The following MYO3B variants were observed in gnomAD, a reference collection of about 807,000 sequenced individuals.
MYO3B encodes the protein myosin IIIB, also known as myosin-IIIb.
In MYO3B, 156 loss-of-function variants were observed where a neutral mutation model predicts 174.6. That is an observed-to-expected ratio of 0.89 (90% CI 0.78 to 1.02). The LOEUF is 1.02. Ranked by LOEUF, MYO3B falls within the 50% of genes least tolerant of loss-of-function variation. MYO3B has a pLI of 0.00. For missense variants in MYO3B, 1,632 were observed against 1,639.4 expected (o/e 1.00, Z 0.08); for synonymous variants, 563 against 569.1 (o/e 0.99, Z 0.15).
intron 32 of MYO3B, among the ~76,000 whole-genome samples, chr2:170,616,464 C>T (rs59730820): frequency 0.19 from 28,671 of 152,080 alleles, 3,297 homozygotes; most frequent in African/African-American, 0.31. Flanking sequence ...CTGGCATTGT[C>T]TTTACACAAT....
At chr2:170,579,366 A>G (rs1692987300) in intron 32 of MYO3B, among the ~76,000 whole-genome samples, 1 of 152,044 alleles carries the variant, frequency 6.6e-6, no homozygotes, top group Non-Finnish European at 1.5e-5. Flanking sequence ...GAGAGGGAAA[A>G]TACCAAAAAC....
At chr2:170,261,540 A>T (rs966668497) in intron 7 of MYO3B, among the ~76,000 whole-genome samples, 8 of 152,206 alleles carry the variant, frequency 5.3e-5, no homozygotes, top group Admixed American at 5.2e-4. Flanking sequence ...CAACAGAGTG[A>T]GTTTCAATGG....
intron 32 of MYO3B, among the ~76,000 whole-genome samples, chr2:170,645,688 G>A (rs574229658): frequency 6.6e-6 from 1 of 152,166 alleles, no homozygotes; most frequent in South Asian, 2.1e-4. Flanking sequence ...TATATGCAAA[G>A]AACTAACAAT....
chr2:170,392,534 T>G (rs1426996016), intron 16 of MYO3B, 39 bp downstream of exon 16: 2 of 1,292,794 alleles, frequency 1.5e-6, no homozygotes, highest in Non-Finnish European at 1.1e-6. Flanking sequence ...GTGACAATAT[T>G]CTTATATGAA....
chr2:170,593,371 G>A (rs1010831355), intron 32 of MYO3B, among the ~76,000 whole-genome samples: 3 of 151,692 alleles, frequency 2.0e-5, no homozygotes, highest in African/African-American at 4.8e-5. Flanking sequence ...CCAAAGTGCT[G>A]GGGTTGCAGG....
intron 27 of MYO3B, among the ~76,000 whole-genome samples, chr2:170,500,183 C>G (rs1441457625): frequency 6.6e-6 from 1 of 152,170 alleles, no homozygotes; most frequent in Non-Finnish European, 1.5e-5. Flanking sequence ...AATTTATTAA[C>G]ATGCAAGTCA....
chr2:170,283,450 CT>C lies in MYO3B; in HGVS notation c.749+47319del, dbSNP rs756171010. Among the ~76,000 whole-genome samples the C allele has an allele frequency of 3.0e-4, 45 of 152,226 alleles. 1 individual carries two copies. The highest frequency in any genetic ancestry group is 2.9e-3 in the East Asian group (15 of 5,186). On this transcript the variant is annotated intron_variant, in intron 7 of 34. Coordinates refer to ENST00000408978, the MANE Select transcript of MYO3B (RefSeq NM_138995.5). The stretch of plus-strand genomic sequence containing the variant: ...TGACTATCTACTTGCTATTTTTGTT[CT>C]TTTTGCAGAAGTTCGTGTCCTGTAC...
Position 170,335,457 on chromosome 2 carries a change from AT to A in MYO3B, c.815+10del. 6.2e-7 allele frequency: 1 copy of A among 1,609,232 alleles called. No individual in the cohort carries two copies. The highest frequency in any genetic ancestry group is 8.5e-7 in the Non-Finnish European group (1 of 1,176,914). ...TCAACCACTTTATTTCACAGTGAGTATTTCTTCCACTAAAAATTGCCCATCT... is the reference window on the plus strand; with the variant it reads ...TCAACCACTTTATTTCACAGTGAGTATTCTTCCACTAAAAATTGCCCATCT... On this transcript the variant is annotated splice_region_variant and intron_variant, in intron 8 of 34. Transcript: ENST00000408978.
chr2:170,237,921 G>C (rs1481922020), intron 7 of MYO3B, among the ~76,000 whole-genome samples: 1 of 152,220 alleles, frequency 6.6e-6, no homozygotes, highest in Non-Finnish European at 1.5e-5. Flanking sequence ...GTGTGATTAT[G>C]TGTGCTCATG....
At chr2:170,257,089 C>G (rs1377676169) in intron 7 of MYO3B, among the ~76,000 whole-genome samples, 4 of 151,998 alleles carry the variant, frequency 2.6e-5, no homozygotes, top group Non-Finnish European at 5.9e-5. Flanking sequence ...GTTGGAGCAC[C>G]AAGATTTATA....
chr2:170,519,745 G>T (rs1688547947), intron 30 of MYO3B: 2 of 455,154 alleles, frequency 4.4e-6, no homozygotes, highest in Non-Finnish European at 8.1e-6. Context: ...GGCCGAGGTG[G>T]GTGGATCACC....
chr2:170,569,344 C>T (rs4668278), intron 32 of MYO3B, among the ~76,000 whole-genome samples: 7,789 of 152,100 alleles, frequency 0.051, 794 homozygotes, highest in East Asian at 0.49. Context: ...TTCTTCCCTT[C>T]ACAATAATGA....
At chr2:170,577,088 C>T (rs2058653) in intron 32 of MYO3B, among the ~76,000 whole-genome samples, 68,283 of 151,742 alleles carry the variant, frequency 0.45, 15,800 homozygotes, top group East Asian at 0.67. Flanking sequence ...CAGTGTCAGC[C>T]TCTAATTCAG....
chr2:170,345,911 G>A (rs1203271497), intron 8 of MYO3B, among the ~76,000 whole-genome samples: 1 of 151,704 alleles, frequency 6.6e-6, no homozygotes, highest in African/African-American at 2.4e-5. Context: ...AGAGGGACCT[G>A]GAACAGATCC....
At chr2:170,562,518 A>C (rs1691780426) in intron 32 of MYO3B, among the ~76,000 whole-genome samples, 2 of 152,216 alleles carry the variant, frequency 1.3e-5, no homozygotes, top group Admixed American at 1.3e-4. Flanking sequence ...AGCTTAACTG[A>C]AAATCTAGAG....
At chr2:170,398,030 T>C (rs976809492) in intron 16 of MYO3B, among the ~76,000 whole-genome samples, 6 of 151,994 alleles carry the variant, frequency 3.9e-5, no homozygotes, top group African/African-American at 1.5e-4. Flanking sequence ...AAGACCAGCC[T>C]GACCAACATG....
chr2:170,576,599 T>C lies in MYO3B; in HGVS notation c.3733+32611T>C, dbSNP rs551974756. Among the ~76,000 whole-genome samples, 21 of 152,308 alleles carry C rather than the reference T, an allele frequency of 1.4e-4. No individual in the cohort carries two copies. The South Asian group carries it at 4.1e-3, about 30-fold the overall frequency. ...ACACAGAGCATGAGGCTATGAGTGATATTATTAGGACGAGAAAGAAAGAGA... is the reference window on the plus strand; with the variant it reads ...ACACAGAGCATGAGGCTATGAGTGACATTATTAGGACGAGAAAGAAAGAGA... On this transcript the variant is annotated intron_variant, in intron 32 of 34. Coordinates refer to ENST00000408978, the MANE Select transcript of MYO3B (RefSeq NM_138995.5).
intron 14 of MYO3B, among the ~76,000 whole-genome samples, chr2:170,390,101 A>G (rs1308146263): frequency 6.6e-6 from 1 of 152,212 alleles, no homozygotes; most frequent in Non-Finnish European, 1.5e-5. Flanking sequence ...ATCCTATAAC[A>G]TGTTGTATAT....
At position 170,382,081 on chromosome 2, in the gene MYO3B, A is replaced by C. The variant is rs2094339985; in HGVS notation, c.1037A>C (p.Asp346Ala). The part of the protein sequence containing the change: ...VEDAEKYCLE[D>A]DLVNLEVLDE... The stretch of plus-strand genomic sequence containing the variant: ...GATGCTGAAAAATACTGCCTTGAGG[A>C]TGATTTGGTCAACCTAGAGGTTCTG... The change falls in exon 10 of 35, where the codon GAT becomes GCT. Residue 346 changes from aspartate (D) to alanine (A), a missense_variant. Physicochemically the swap from Asp to Ala is moderately radical, Grantham distance 126. Coordinates refer to ENST00000408978, the MANE Select transcript of MYO3B (RefSeq NM_138995.5). 1 of 1,613,438 alleles carries C rather than the reference A, an allele frequency of 6.2e-7. No homozygotes were observed. Among genetic ancestry groups the C allele is most frequent in the Admixed American group, 1.7e-5 (1 of 59,990 alleles).
Sources: gnomAD v4.1 joint callset for allele counts (sites outside exome capture counted in the v4.1 genomes callset) on GRCh38, gnomAD v4.1.1 for gene constraint, MANE v1.5 for transcripts, NCBI Gene and HGNC (gene_info 2026-07-23, HGNC 2026-07-21) for gene names.